The following EMID1 variants were observed in gnomAD, a reference collection of about 807,000 sequenced individuals.
EMID1 encodes the protein EMI domain containing 1, also known as EMI domain-containing protein 1.
EMID1 carries 40 observed loss-of-function variants against 60.6 expected under a neutral mutation model. The ratio of observed to expected loss-of-function variants is 0.66; its 90% confidence interval spans 0.51 to 0.86. EMID1 has a LOEUF of 0.86. EMID1 is among the 40% of genes least tolerant of loss of function. The pLI, the probability that EMID1 is intolerant of heterozygous loss-of-function variation, is 0.00. For synonymous variants in EMID1, 242 were observed against 231.0 expected (o/e 1.05, Z -0.43); for missense variants, 585 against 597.1 (o/e 0.98, Z 0.21).
At chr22:29,210,163 C>G (rs2039826227) in intron 1 of EMID1, among the ~76,000 whole-genome samples, 1 of 152,010 alleles carries the variant, frequency 6.6e-6, no homozygotes. Flanking sequence ...AAAGGTCTGG[C>G]TAGCCGGCCA....
rs73401036 is a variant in EMID1 at position 29,231,000 on chromosome 22, G to A, written c.466-20G>A. The A allele has an allele frequency of 9.3e-6, 15 of 1,607,706 alleles. No individual in the cohort carries two copies. The African/African-American group carries it at 9.4e-5, about 10-fold the overall frequency. ...CTAGTGAGACCCTGGTACCCACCCC[G>A]TCCCTGTCTTCCTCTTCAGATGACC... On this transcript the variant is annotated intron_variant, in intron 5 of 14. Coordinates refer to ENST00000334018, the MANE Select transcript of EMID1 (RefSeq NM_133455.4).
Position 29,216,954 on chromosome 22 carries a change from G to A in EMID1, c.319+1324G>A, listed in dbSNP as rs1238384273. On this transcript the variant is annotated intron_variant, in intron 3 of 14. Transcript: ENST00000334018. ...GAGCGGGTGGACAGACGTTTGAAGGGGAGCCAGGAACAGCACCCTCTTGTC... is the reference window on the plus strand; with the variant it reads ...GAGCGGGTGGACAGACGTTTGAAGGAGAGCCAGGAACAGCACCCTCTTGTC... Among the ~76,000 whole-genome samples, 3 of 152,268 alleles carry A rather than the reference G, an allele frequency of 2.0e-5. No individual in the cohort carries two copies. The South Asian group carries it at 6.2e-4, about 31-fold the overall frequency.
In EMID1 at chr22:29,206,029, C is replaced by G. The variant is rs1265698941; in HGVS notation, c.-10C>G. The G allele has an allele frequency of 2.5e-6, 3 of 1,221,388 alleles. No individual in the cohort carries two copies. The highest frequency in any genetic ancestry group is 3.1e-5 in the African/African-American group (2 of 63,900). The allele number at this position is 1,221,388 out of a possible 1,614,324, so 75.7% of individuals were successfully genotyped here. A position where few individuals can be genotyped will look rare whatever the true frequency, so the allele number is the denominator to read the frequency against. On this transcript the variant is annotated 5_prime_UTR_variant, in exon 1 of 15. Transcript: ENST00000334018. ...GCGAGGGGCCGCGCGCGGAGGGCGC[C>G]TGGTGCAGCATGGGCGGCCCGCGGG...
intron 5 of EMID1, among the ~76,000 whole-genome samples, chr22:29,229,345 TA>T (rs891723088): frequency 1.3e-5 from 2 of 149,696 alleles, no homozygotes; most frequent in East Asian, 2.0e-4. Flanking sequence ...TCTCTAAAAT[TA>T]AAAAAAAGAA....
rs1381978568 is a variant in EMID1, at chr22:29,238,878, A to G, written c.1074+4529A>G. Among the ~76,000 whole-genome samples, 2 of 143,612 alleles carry G rather than the reference A, an allele frequency of 1.4e-5. 1 individual carries two copies. The highest frequency in any genetic ancestry group is 3.0e-5 in the Non-Finnish European group (2 of 66,932). The allele number at this position is 143,612 out of a possible 152,430, so 94.2% of individuals were successfully genotyped here. ...CAGCCTGATTTTCTGAAATTTGGAT[A>G]TGATATGCCTACTTGTCATTTCTTG... On this transcript the variant is annotated intron_variant, in intron 12 of 14. Coordinates refer to ENST00000334018, the MANE Select transcript of EMID1 (RefSeq NM_133455.4).
intron 5 of EMID1, among the ~76,000 whole-genome samples, chr22:29,228,160 A>T (rs1259301042): frequency 1.0e-4 from 15 of 148,218 alleles, no homozygotes; most frequent in Non-Finnish European, 1.5e-4. Flanking sequence ...CCATCTCAAA[A>T]AAAAAAAAAA....
At chr22:29,232,017 G>A (rs2040767525) in intron 7 of EMID1, 1 of 597,108 alleles carries the variant, frequency 1.7e-6, no homozygotes. Flanking sequence ...ATGTGACCAG[G>A]GTTTCTATGA....
chr22:29,207,176 G>A (rs1481706433), intron 1 of EMID1, among the ~76,000 whole-genome samples: 3 of 152,260 alleles, frequency 2.0e-5, no homozygotes, highest in Non-Finnish European at 4.4e-5. Context: ...GGGCTAGCAA[G>A]AGCAGTTGAC....
intron 12 of EMID1, among the ~76,000 whole-genome samples, chr22:29,235,844 C>T (rs1267925506): frequency 8.2e-6 from 1 of 121,562 alleles, no homozygotes; most frequent in Non-Finnish European, 1.6e-5. Context: ...GGTTGGAGTG[C>T]AGTGGTGCAA....
chr22:29,230,436 G>C (rs1164758348), intron 5 of EMID1, among the ~76,000 whole-genome samples: 1 of 152,206 alleles, frequency 6.6e-6, no homozygotes, highest in Non-Finnish European at 1.5e-5. Context: ...GATAACCATA[G>C]AGAAAAAGCA....
At chr22:29,209,539 G>C (rs1276203429) in intron 1 of EMID1, among the ~76,000 whole-genome samples, 4 of 152,192 alleles carry the variant, frequency 2.6e-5, no homozygotes, top group African/African-American at 7.2e-5. Context: ...CGGAGCTGCT[G>C]CCTGTTCTCC....
chr22:29,209,369 C>A (rs966736615), intron 1 of EMID1, among the ~76,000 whole-genome samples: 2 of 152,120 alleles, frequency 1.3e-5, no homozygotes, highest in Non-Finnish European at 1.5e-5. Context: ...CTCTTCCCAG[C>A]CCCTGCCCTC....
chr22:29,230,204 A>C (rs1224265380), intron 5 of EMID1, among the ~76,000 whole-genome samples: 1 of 152,108 alleles, frequency 6.6e-6, no homozygotes. Context: ...GTGGTGGCGC[A>C]TGACTGTAAT....
chr22:29,233,555 G>A, intron 9 of EMID1, 59 bp from the exon 10 acceptor site: 1 of 1,604,242 alleles, frequency 6.2e-7, no homozygotes, highest in Non-Finnish European at 8.5e-7. Flanking sequence ...GGGAGCTGAT[G>A]GGGCACTTCC....
intron 5 of EMID1, among the ~76,000 whole-genome samples, chr22:29,227,394 CTT>C (rs76236151): frequency 1.4e-5 from 2 of 144,884 alleles, no homozygotes; most frequent in African/African-American, 2.5e-5. Flanking sequence ...TGCCATAAAA[CTT>C]TTTTTTTTTT....
chr22:29,241,098 G>A (rs561202866), intron 12 of EMID1, among the ~76,000 whole-genome samples: 1 of 147,934 alleles, frequency 6.8e-6, no homozygotes, highest in South Asian at 2.1e-4. Context: ...AAGGAGGGAT[G>A]TGGGTCTGAC....
chr22:29,207,308 T>A (rs1029380090), intron 1 of EMID1, among the ~76,000 whole-genome samples: 3 of 152,180 alleles, frequency 2.0e-5, no homozygotes, highest in African/African-American at 7.2e-5. Flanking sequence ...AGACAACAGT[T>A]AGCCTGAGTC....
intron 12 of EMID1, among the ~76,000 whole-genome samples, chr22:29,242,100 T>C (rs1307441373): frequency 6.6e-6 from 1 of 152,048 alleles, no homozygotes; most frequent in Non-Finnish European, 1.5e-5. Flanking sequence ...GTTTTTGTTT[T>C]TTCATTTTTA....
At chr22:29,218,839 G>A (rs988923228) in intron 3 of EMID1, among the ~76,000 whole-genome samples, 2 of 152,152 alleles carry the variant, frequency 1.3e-5, no homozygotes, top group African/African-American at 2.4e-5. Flanking sequence ...CCCACTGTCC[G>A]GATGATGAAA....
Sources: gnomAD v4.1 joint callset for allele counts (sites outside exome capture counted in the v4.1 genomes callset) on GRCh38, gnomAD v4.1.1 for gene constraint, MANE v1.5 for transcripts, NCBI Gene and HGNC (gene_info 2026-07-23, HGNC 2026-07-21) for gene names.